The following COL4A1 variants were observed in gnomAD, a reference collection of about 807,000 sequenced individuals.
COL4A1 encodes the protein collagen alpha-1(IV) chain.
A neutral mutation model predicts 216.6 loss-of-function variants in COL4A1; 40 were observed. That is an observed-to-expected ratio of 0.18 (90% CI 0.14 to 0.24). The LOEUF is 0.24. COL4A1 is among the 10% of genes least tolerant of loss of function. COL4A1 has a pLI of 1.00. For missense variants in COL4A1, 1,628 were observed against 2,196.8 expected, an observed-to-expected ratio of 0.74 and a Z score of 5.18; for synonymous variants, 839 against 810.7, an observed-to-expected ratio of 1.03 and a Z score of -0.59.
At chr13:110,185,274 T>C (rs1221977760) in intron 26 of COL4A1, among the ~76,000 whole-genome samples, 2 of 152,022 alleles carry the variant, frequency 1.3e-5, no homozygotes, top group East Asian at 1.9e-4. Context: ...GCCTCCAGAG[T>C]AGCTGGGACT....
At chr13:110,217,170 G>A (rs574179612) in intron 2 of COL4A1, among the ~76,000 whole-genome samples, 38 of 152,296 alleles carry the variant, frequency 2.5e-4, no homozygotes, top group African/African-American at 4.6e-4. Context: ...CAGAGCAAAC[G>A]GACAGAATAA....
At chr13:110,197,569 C>T (rs1203975437) in intron 21 of COL4A1, among the ~76,000 whole-genome samples, 3 of 152,120 alleles carry the variant, frequency 2.0e-5, no homozygotes, top group Non-Finnish European at 4.4e-5. Context: ...GAAAAGTTCC[C>T]CAAAGTCACA....
chr13:110,246,231 A>C (rs954284673), intron 1 of COL4A1, among the ~76,000 whole-genome samples: 6 of 152,144 alleles, frequency 3.9e-5, no homozygotes, highest in African/African-American at 1.4e-4. Flanking sequence ...TGTTAAATAA[A>C]ATCTATTTTA....
At chr13:110,175,118 A>T (rs947944712) in intron 37 of COL4A1, 100 bp downstream of exon 37, 3 of 1,457,354 alleles carry the variant, frequency 2.1e-6, no homozygotes, top group Non-Finnish European at 1.9e-6. Flanking sequence ...CCTGTGTGTT[A>T]TGGCTCATTG....
At chr13:110,225,497 C>T (rs921594004) in intron 2 of COL4A1, among the ~76,000 whole-genome samples, 5 of 152,164 alleles carry the variant, frequency 3.3e-5, no homozygotes, top group Non-Finnish European at 2.9e-5. Flanking sequence ...ACAGGAGAAT[C>T]GCTTGAACCC....
chr13:110,203,473 T>C lies in COL4A1; in HGVS notation c.999+93A>G, dbSNP rs545805519. On this transcript the variant is annotated intron_variant, in intron 18 of 51. Coordinates refer to ENST00000375820, the MANE Select transcript of COL4A1 (RefSeq NM_001845.6). ...CAGCGCTCTCACAGACCCAGGGTCC[T>C]CTCCTTCCTCCCCCCAGTGCTCTCA... 5.6e-6 allele frequency: 8 copies of C among 1,440,894 alleles called. No individual in the cohort carries two copies. In the East Asian group the frequency reaches 9.1e-5, roughly 16 times the overall value. The allele number at this position is 1,440,894 out of a possible 1,614,324, so 89.3% of individuals were successfully genotyped here. A position where few individuals can be genotyped will look rare whatever the true frequency, so the allele number is the denominator to read the frequency against.
chr13:110,206,644 A>T (rs1879530008), intron 15 of COL4A1, 21 bp downstream of exon 15: 1 of 1,613,496 alleles, frequency 6.2e-7, no homozygotes, highest in African/African-American at 1.3e-5. Context: ...TTATGATAAA[A>T]GGACTTTGGA....
intron 1 of COL4A1, among the ~76,000 whole-genome samples, chr13:110,288,594 T>C (rs1343059184): frequency 6.6e-6 from 1 of 152,214 alleles, no homozygotes; most frequent in Non-Finnish European, 1.5e-5. Flanking sequence ...AAAATGTATG[T>C]CATTTGAAAT....
chr13:110,163,318 T>G (rs1267400256), intron 47 of COL4A1, 145 bp downstream of exon 47: 2 of 743,534 alleles, frequency 2.7e-6, no homozygotes, highest in Non-Finnish European at 4.8e-6. Context: ...TATTTGATTC[T>G]ATTTCTTCTA....
In COL4A1 at chr13:110,268,993, C is replaced by T. The variant is rs907043182; in HGVS notation, c.85-26259G>A. On this transcript the variant is annotated intron_variant, in intron 1 of 51. Transcript: ENST00000375820. The surrounding 1 kb of genome is among the most constrained non-coding windows in gnomAD (Gnocchi z 4.1). ...CACCTCCACACGCCTTGCAGCACCA[C>T]GGCCCACCTCTTGGCGCACGGAGAA... Among the ~76,000 whole-genome samples the T allele has an allele frequency of 1.3e-5, 2 of 150,766 alleles. No homozygotes were observed. The highest frequency in any genetic ancestry group is 2.4e-5 in the African/African-American group (1 of 40,972).
intron 30 of COL4A1, 72 bp from the exon 31 acceptor site, chr13:110,179,108 C>T (rs1878023607): frequency 1.3e-6 from 2 of 1,533,736 alleles, no homozygotes; most frequent in South Asian, 1.1e-5. Flanking sequence ...GACCCATGCA[C>T]ACGAATGGCC....
At chr13:110,187,438 G>T in intron 24 of COL4A1, 109 bp from the exon 25 acceptor site, 2 of 1,276,484 alleles carry the variant, frequency 1.6e-6, no homozygotes, top group Non-Finnish European at 1.1e-6. Context: ...CTTGAAAATG[G>T]TCATGCATTC....
Position 110,162,446 on chromosome 13 carries a change from G to T in COL4A1, c.4250-4C>A. On this transcript the variant is annotated splice_polypyrimidine_tract_variant and splice_region_variant and intron_variant, in intron 47 of 51. Coordinates refer to ENST00000375820, the MANE Select transcript of COL4A1 (RefSeq NM_001845.6). Reference sequence around the variant, plus strand: ...GGACCTGGAAATCCTCTTGGACCTGGAAGATAGGAGACAAATTAGTTTCCC... The same window carrying T: ...GGACCTGGAAATCCTCTTGGACCTGTAAGATAGGAGACAAATTAGTTTCCC... 1 of 1,609,968 alleles carries T rather than the reference G, an allele frequency of 6.2e-7. No homozygotes were observed. Among genetic ancestry groups the T allele is most frequent in the Non-Finnish European group, 8.5e-7 (1 of 1,176,468 alleles).
intron 17 of COL4A1, among the ~76,000 whole-genome samples, chr13:110,204,147 G>A (rs1879379563): frequency 6.6e-6 from 1 of 152,128 alleles, no homozygotes; most frequent in South Asian, 2.1e-4. Context: ...CTCATCCATA[G>A]TAGATGAAAA....
At chr13:110,180,584 T>C (rs1878103006) in intron 29 of COL4A1, among the ~76,000 whole-genome samples, 1 of 152,254 alleles carries the variant, frequency 6.6e-6, no homozygotes, top group African/African-American at 2.4e-5. Context: ...CAATTTCACA[T>C]TGGTTCCTTA....
At chr13:110,193,024 C>T (rs930153347) in intron 22 of COL4A1, 111 bp from the exon 23 acceptor site, 3 of 1,002,852 alleles carry the variant, frequency 3.0e-6, no homozygotes, top group African/African-American at 3.2e-5. Context: ...TACATCCAAA[C>T]TTAGGTTTGC....
At chr13:110,246,873 C>T (rs1373194512) in intron 1 of COL4A1, among the ~76,000 whole-genome samples, 1 of 152,136 alleles carries the variant, frequency 6.6e-6, no homozygotes, top group Non-Finnish European at 1.5e-5. Context: ...CTGTGAGGCA[C>T]ACACTTAACC....
Position 110,207,570 on chromosome 13 carries a change from CTAAAA to C in COL4A1, c.694-86_694-82del. ...AAAAATTGCAGAGAGAGGTAAAAGCCTAAAATAAAACACCTATTTTTAAAATGTAA... is the reference window on the plus strand; with the variant it reads ...AAAAATTGCAGAGAGAGGTAAAAGCCTAAAACACCTATTTTTAAAATGTAA... On this transcript the variant is annotated intron_variant, in intron 12 of 51. Coordinates refer to ENST00000375820, the MANE Select transcript of COL4A1 (RefSeq NM_001845.6). This position sits in a 1 kb window ranked among gnomAD's most constrained non-coding sequence, Gnocchi z 4.4. The C allele has an allele frequency of 2.6e-6, 3 of 1,145,892 alleles. No homozygotes were observed. Among genetic ancestry groups the C allele is most frequent in the Non-Finnish European group, 3.9e-6 (3 of 760,830 alleles). The allele number at this position is 1,145,892 out of a possible 1,614,324, so 71.0% of individuals were successfully genotyped here.
chr13:110,272,557 T>C (rs78577808), intron 1 of COL4A1, among the ~76,000 whole-genome samples: 1,822 of 150,336 alleles, frequency 0.012, 34 homozygotes, highest in African/African-American at 0.041. Flanking sequence ...CCATCCTCCA[T>C]CATAAGTCCC....
Sources: gnomAD v4.1 joint callset for allele counts (sites outside exome capture counted in the v4.1 genomes callset) on GRCh38, gnomAD v4.1.1 for gene constraint, Gnocchi (gnomAD v3.1) non-coding constraint, MANE v1.5 for transcripts, NCBI Gene and HGNC (gene_info 2026-07-23, HGNC 2026-07-21) for gene names.